Variants in GRK5 observed in about 807,000 individuals in gnomAD.
GRK5 encodes the protein g protein-coupled receptor kinase GRK5.
In GRK5, 40 loss-of-function variants were observed where a neutral mutation model predicts 78.4. The ratio of observed to expected loss-of-function variants is 0.51; its 90% CI spans 0.40 to 0.66. The LOEUF is 0.66. Ranked by LOEUF, GRK5 falls within the 30% of genes least tolerant of loss-of-function variation. GRK5 has a pLI of 0.00. For missense variants in GRK5, 598 were observed against 759.9 expected, an observed-to-expected ratio of 0.79 and a Z score of 2.50; for synonymous variants, 289 against 296.8, an observed-to-expected ratio of 0.97 and a Z score of 0.27.
chr10:119,391,648 G>A (rs1025903115), intron 3 of GRK5, among the ~76,000 whole-genome samples: 26 of 152,136 alleles, frequency 1.7e-4, no homozygotes, highest in African/African-American at 5.8e-4. Flanking sequence ...AGGCGGGGAC[G>A]GAGCCAGCAG....
intron 4 of GRK5, among the ~76,000 whole-genome samples, chr10:119,399,718 C>T (rs558367561): frequency 2.0e-5 from 3 of 152,350 alleles, no homozygotes; most frequent in South Asian, 4.1e-4. Flanking sequence ...GTTACCAAAG[C>T]ATTTCTCAAA....
Position 119,344,492 on chromosome 10 carries a change from ATG to A in GRK5, c.148+17883_148+17884del, listed in dbSNP as rs1195811810. ...TTTCTTTGTGACGCCCGGTCGCAGG[ATG>A]TCTTTCAGCACCACCTGTCAGAGCT... On this transcript the variant is annotated intron_variant, in intron 2 of 15. Transcript: ENST00000392870. Among the ~76,000 whole-genome samples, 5 of 152,204 alleles carry A rather than the reference ATG, an allele frequency of 3.3e-5. No individual in the cohort carries two copies. The East Asian group carries it at 5.8e-4, about 18-fold the overall frequency.
chr10:119,422,366 G>A (rs752300114), intron 4 of GRK5, among the ~76,000 whole-genome samples: 3 of 152,172 alleles, frequency 2.0e-5, no homozygotes, highest in East Asian at 1.9e-4. Flanking sequence ...CATTTATTAC[G>A]TGCTTGCTAC....
intron 2 of GRK5, among the ~76,000 whole-genome samples, chr10:119,367,512 A>G (rs1851467731): frequency 6.6e-6 from 1 of 152,236 alleles, no homozygotes; most frequent in Non-Finnish European, 1.5e-5. Context: ...GTTCTTGGGC[A>G]GACAGGGTTG....
At chr10:119,387,067 CGAT>C (rs1851810714) in intron 3 of GRK5, among the ~76,000 whole-genome samples, 1 of 151,828 alleles carries the variant, frequency 6.6e-6, no homozygotes, top group Non-Finnish European at 1.5e-5. Context: ...TGCAGTGGTG[CGAT>C]CTCAGCTCAC....
At chr10:119,268,951 A>T (rs1849544270) in intron 1 of GRK5, among the ~76,000 whole-genome samples, 1 of 152,294 alleles carries the variant, frequency 6.6e-6, no homozygotes, top group Non-Finnish European at 1.5e-5. Context: ...CTCACCCTGC[A>T]GCGGAGTCCC....
Position 119,430,492 on chromosome 10 carries a change from CCTGTCCCTT to C in GRK5, c.597+57_597+65del. On this transcript the variant is annotated intron_variant, in intron 7 of 15. Transcript: ENST00000392870. This position sits in a 1 kb window ranked among gnomAD's most constrained non-coding sequence, Gnocchi z 4.5. ...AAGTTCTTACATTCAAGTCACCTTT[CCTGTCCCTT>C]CTAAATCAACCTAAAGGGTTGGCCC... The C allele has an allele frequency of 6.5e-7, 1 of 1,526,768 alleles. No homozygotes were observed. The highest frequency in any genetic ancestry group is 9.0e-7 in the Non-Finnish European group (1 of 1,105,180). The allele number at this position is 1,526,768 out of a possible 1,614,324, so 94.6% of individuals were successfully genotyped here. A position where few individuals can be genotyped will look rare whatever the true frequency, so the allele number is the denominator to read the frequency against.
chr10:119,269,557 A>C (rs1849553742), intron 1 of GRK5, among the ~76,000 whole-genome samples: 1 of 152,054 alleles, frequency 6.6e-6, no homozygotes, highest in Non-Finnish European at 1.5e-5. Context: ...ATGGCCAGGC[A>C]CAGTGGTTCA....
intron 1 of GRK5, among the ~76,000 whole-genome samples, chr10:119,317,001 C>T (rs896998120): frequency 6.6e-6 from 1 of 152,124 alleles, no homozygotes; most frequent in Non-Finnish European, 1.5e-5. Flanking sequence ...CAGGGGCCTA[C>T]CATGAATGAA....
intron 1 of GRK5, among the ~76,000 whole-genome samples, chr10:119,223,125 C>T (rs1008353003): frequency 4.6e-5 from 7 of 152,164 alleles, no homozygotes; most frequent in African/African-American, 1.2e-4. Context: ...TGAAGGTACC[C>T]GGGGAAGACC....
intron 4 of GRK5, among the ~76,000 whole-genome samples, chr10:119,408,341 C>CAAAAAAAA (rs67973033): frequency 6.0e-4 from 29 of 48,676 alleles, no homozygotes; most frequent in African/African-American, 1.7e-3. Flanking sequence ...AACCCTGTCT[C>CAAAAAAAA]AAAAAAAAAA....
chr10:119,313,064 G>C lies in GRK5; in HGVS notation c.53-13452G>C, dbSNP rs59478952. Among the ~76,000 whole-genome samples, 9 of 137,278 alleles carry C rather than the reference G, an allele frequency of 6.6e-5. No individual in the cohort carries two copies. In the East Asian group the frequency reaches 8.5e-4, roughly 13 times the overall value. 90.1% of individuals were successfully genotyped at this position (137,278 alleles called of 152,430 possible). The stretch of plus-strand genomic sequence containing the variant: ...TGGTGGTGGTGGTAATGATGATGGT[G>C]GTGGTGATGGTGGTGGTGGTGGTGA... On this transcript the variant is annotated intron_variant, in intron 1 of 15. Transcript: ENST00000392870.
chr10:119,326,737 G>A, intron 2 of GRK5, 126 bp downstream of exon 2: 1 of 718,068 alleles, frequency 1.4e-6, no homozygotes, highest in Non-Finnish European at 2.5e-6. Flanking sequence ...GCCAATCAGT[G>A]GACACAGTAT....
chr10:119,247,869 A>G (rs1849137952), intron 1 of GRK5, among the ~76,000 whole-genome samples: 1 of 152,164 alleles, frequency 6.6e-6, no homozygotes, highest in African/African-American at 2.4e-5. Flanking sequence ...AGGGGCACAT[A>G]TATATACAGA....
At chr10:119,397,585 C>T (rs1259478631) in intron 4 of GRK5, among the ~76,000 whole-genome samples, 1 of 152,228 alleles carries the variant, frequency 6.6e-6, no homozygotes, top group Non-Finnish European at 1.5e-5. Flanking sequence ...GGTGGCTTCA[C>T]CCTGCTCAGG....
rs577302825 is a variant in GRK5 at position 119,346,561 on chromosome 10, G to A, written c.148+19950G>A. 1.0e-3 allele frequency among the ~76,000 whole-genome samples: 158 copies of A among 152,332 alleles called. 1 individual carries two copies. The Middle Eastern group carries it at 0.014, about 13-fold the overall frequency. On this transcript the variant is annotated intron_variant, in intron 2 of 15. Coordinates refer to ENST00000392870, the MANE Select transcript of GRK5 (RefSeq NM_005308.3). The stretch of plus-strand genomic sequence containing the variant: ...TGCCTCAGGCCTGTTCCTGGAGCCC[G>A]TCAGTGCCGGCTGCTCTGGGAGTGG...
intron 13 of GRK5, among the ~76,000 whole-genome samples, chr10:119,450,130 C>A: frequency 6.6e-6 from 1 of 152,160 alleles, no homozygotes; most frequent in East Asian, 1.9e-4. Context: ...TTCCAGGAAA[C>A]CACATAGTGT....
intron 10 of GRK5, among the ~76,000 whole-genome samples, chr10:119,440,924 G>A (rs1853019604): frequency 6.6e-6 from 1 of 152,144 alleles, no homozygotes; most frequent in Admixed American, 6.5e-5. Context: ...TTTAACAGAT[G>A]ACAAAACTGA....
chr10:119,386,957 G>A (rs377198125), intron 3 of GRK5, among the ~76,000 whole-genome samples: 1 of 151,710 alleles, frequency 6.6e-6, no homozygotes, highest in South Asian at 2.1e-4. Context: ...ACCTGTCCTC[G>A]TTGGACTCTG....
Sources: gnomAD v4.1 joint callset for allele counts (sites outside exome capture counted in the v4.1 genomes callset) on GRCh38, gnomAD v4.1.1 for gene constraint, Gnocchi (gnomAD v3.1) non-coding constraint, MANE v1.5 for transcripts, NCBI Gene and HGNC (gene_info 2026-07-23, HGNC 2026-07-21) for gene names.